Variants in CBFA2T3 observed in about 807,000 individuals in gnomAD.
CBFA2T3 encodes the protein transcriptional corepressor CBFA2T3.
CBFA2T3 carries 31 observed loss-of-function variants against 58.6 expected under a neutral mutation model. The observed-to-expected ratio is 0.53, with a 90% CI of 0.40 to 0.71. The LOEUF (loss-of-function observed/expected upper bound fraction) is 0.71. Among genes scored for constraint, CBFA2T3 ranks in the 30% least tolerant of loss-of-function variants. CBFA2T3 has a pLI of 0.00. For synonymous variants in CBFA2T3, 531 were observed against 421.9 expected, an observed-to-expected ratio of 1.26 and a Z score of -3.17; for missense variants, 1,076 against 963.1, an observed-to-expected ratio of 1.12 and a Z score of -1.55.
intron 1 of CBFA2T3, among the ~76,000 whole-genome samples, chr16:88,964,798 C>T (rs1352082504): frequency 1.3e-5 from 2 of 151,554 alleles, no homozygotes; most frequent in East Asian, 3.9e-4. Context: ...CACCATCTAT[C>T]CATCCAGTCA....
chr16:88,928,298 C>T (rs1043559319), intron 1 of CBFA2T3, among the ~76,000 whole-genome samples: 4 of 152,174 alleles, frequency 2.6e-5, no homozygotes, highest in Non-Finnish European at 4.4e-5. Context: ...CCTGTGGTTT[C>T]GGGGACGCTC....
chr16:88,895,809 C>G (rs761649525), intron 3 of CBFA2T3, among the ~76,000 whole-genome samples: 6 of 152,178 alleles, frequency 3.9e-5, no homozygotes, highest in East Asian at 1.9e-4. Context: ...CCCTCGAGGG[C>G]TGGGGGAAGC....
intron 1 of CBFA2T3, among the ~76,000 whole-genome samples, chr16:88,943,950 G>C (rs1268510422): frequency 6.6e-6 from 1 of 152,190 alleles, no homozygotes; most frequent in African/African-American, 2.4e-5. Flanking sequence ...GGGCTCGGGA[G>C]GGGGCAGAGC....
At chr16:88,912,651 G>C (rs557603463) in intron 1 of CBFA2T3, among the ~76,000 whole-genome samples, 1 of 152,324 alleles carries the variant, frequency 6.6e-6, no homozygotes, top group African/African-American at 2.4e-5. Flanking sequence ...TCTCCCCCAG[G>C]GCAGGGCCCT....
intron 1 of CBFA2T3, among the ~76,000 whole-genome samples, chr16:88,952,398 A>G (rs897994295): frequency 6.9e-6 from 1 of 145,820 alleles, no homozygotes; most frequent in Non-Finnish European, 1.5e-5. Flanking sequence ...CCGCCCTCCA[A>G]TCCTTCTCCC....
chr16:88,934,246 T>TGCCCCACGCCCCTCGGCACAC (rs1971421382), intron 1 of CBFA2T3, among the ~76,000 whole-genome samples: 1 of 144,338 alleles, frequency 6.9e-6, no homozygotes, highest in East Asian at 2.0e-4. Flanking sequence ...CCTCGGCACA[T>TGCCCCACGCCCCTCGGCACAC]GGAGGCACGG....
intron 1 of CBFA2T3, among the ~76,000 whole-genome samples, chr16:88,942,885 A>C (rs1020795593): frequency 6.6e-6 from 1 of 152,100 alleles, no homozygotes; most frequent in Non-Finnish European, 1.5e-5. Context: ...CATGTGGCTC[A>C]GCCCAGTCCT....
At chr16:88,907,553 C>T (rs1370764055) in intron 1 of CBFA2T3, among the ~76,000 whole-genome samples, 1 of 152,252 alleles carries the variant, frequency 6.6e-6, no homozygotes, top group African/African-American at 2.4e-5. Context: ...GCTTCTCTAT[C>T]TTACGAGTGG....
chr16:88,919,332 A>G (rs1227810704), intron 1 of CBFA2T3, among the ~76,000 whole-genome samples: 2 of 152,228 alleles, frequency 1.3e-5, no homozygotes, highest in Admixed American at 6.5e-5. Flanking sequence ...GGTCTCCTTC[A>G]TTCGGTGTAC....
At chr16:88,896,214 C>CG (rs987622277) in intron 3 of CBFA2T3, among the ~76,000 whole-genome samples, 40 of 152,198 alleles carry the variant, frequency 2.6e-4, no homozygotes, top group African/African-American at 9.4e-4. Flanking sequence ...TGGCCTCAGA[C>CG]TTTCCCTACG....
At chr16:88,975,372 C>G (rs748760284) in intron 1 of CBFA2T3, among the ~76,000 whole-genome samples, 21 of 152,362 alleles carry the variant, frequency 1.4e-4, no homozygotes, top group Non-Finnish European at 2.5e-4. Context: ...ACGCCCCCAT[C>G]CTAACAAAGC....
chr16:88,949,840 G>A (rs1337505863), intron 1 of CBFA2T3, among the ~76,000 whole-genome samples: 4 of 151,518 alleles, frequency 2.6e-5, no homozygotes, highest in African/African-American at 4.9e-5. Flanking sequence ...GCGAAACCCC[G>A]TCTCTACTAA....
chr16:88,949,716 AG>A (rs1971999309), intron 1 of CBFA2T3, among the ~76,000 whole-genome samples: 2 of 151,974 alleles, frequency 1.3e-5, no homozygotes, highest in African/African-American at 4.8e-5. Flanking sequence ...TCCCACAAGA[AG>A]AAAACAAAAG....
chr16:88,969,562 G>A (rs1234726372), intron 1 of CBFA2T3, among the ~76,000 whole-genome samples: 2 of 152,234 alleles, frequency 1.3e-5, no homozygotes, highest in Non-Finnish European at 2.9e-5. Flanking sequence ...CAGCGTGGCC[G>A]GTGGACAGCA....
intron 3 of CBFA2T3, among the ~76,000 whole-genome samples, chr16:88,894,218 GCACACATGCACA>G (rs1297216424): frequency 8.3e-4 from 55 of 66,656 alleles, no homozygotes; most frequent in Admixed American, 1.6e-3. Context: ...ACACATGCAC[GCACACATGCACA>G]CACACATGCA....
intron 2 of CBFA2T3, among the ~76,000 whole-genome samples, chr16:88,900,636 C>G (rs1257633963): frequency 6.6e-6 from 1 of 152,182 alleles, no homozygotes; most frequent in Non-Finnish European, 1.5e-5. Flanking sequence ...ACGGGGCTTT[C>G]TGGCCGCTGC....
chr16:88,946,246 G>A (rs1597775991), intron 1 of CBFA2T3, among the ~76,000 whole-genome samples: 1 of 152,120 alleles, frequency 6.6e-6, no homozygotes, highest in African/African-American at 2.4e-5. Flanking sequence ...GGCAGAGGTT[G>A]TAGTGGCAGT....
intron 3 of CBFA2T3, among the ~76,000 whole-genome samples, chr16:88,895,185 C>T (rs924905631): frequency 2.2e-4 from 33 of 152,314 alleles, no homozygotes; most frequent in South Asian, 2.1e-4. Flanking sequence ...TGGAAGGGGC[C>T]GCACCCTCCA....
At chr16:88,911,455 C>G (rs183783916) in intron 1 of CBFA2T3, among the ~76,000 whole-genome samples, 1 of 152,252 alleles carries the variant, frequency 6.6e-6, no homozygotes, top group Non-Finnish European at 1.5e-5. Flanking sequence ...TTCGTAAACT[C>G]AAAAGCCCTC....
Sources: allele counts gnomAD v4.1 joint callset (sites outside exome capture counted in the v4.1 genomes callset), GRCh38; gene constraint gnomAD v4.1.1; transcripts MANE v1.5; gene names NCBI Gene and HGNC (gene_info 2026-07-23, HGNC 2026-07-21).